The following PCDHGA3 variants were observed in gnomAD, a reference collection of about 807,000 sequenced individuals.
The protein encoded by PCDHGA3 is protocadherin gamma-A3.
A neutral mutation model predicts 58.5 loss-of-function variants in PCDHGA3; 40 were observed. The observed-to-expected ratio is 0.68, with a 90% CI of 0.53 to 0.89. The LOEUF is 0.89. Among genes scored for constraint, PCDHGA3 ranks in the 40% least tolerant of loss-of-function variants. The pLI is 0.00. For missense variants in PCDHGA3, 1,223 were observed against 1,195.9 expected, an observed-to-expected ratio of 1.02 and a Z score of -0.33; for synonymous variants, 530 against 525.7, an observed-to-expected ratio of 1.01 and a Z score of -0.11.
intron 1 of PCDHGA3, chr5:141,418,306 GA>G: frequency 6.2e-7 from 1 of 1,614,032 alleles, no homozygotes; most frequent in East Asian, 2.2e-5. Flanking sequence ...TCAGCCTGGG[GA>G]TGGGAACAAT....
At chr5:141,465,467 C>T (rs2099103834) in intron 1 of PCDHGA3, among the ~76,000 whole-genome samples, 1 of 152,178 alleles carries the variant, frequency 6.6e-6, no homozygotes, top group Non-Finnish European at 1.5e-5. Flanking sequence ...CCAAATTGCC[C>T]TTGCTTCATG....
chr5:141,484,897 A>G (rs2099602925), intron 1 of PCDHGA3: 2 of 392,698 alleles, frequency 5.1e-6, no homozygotes, highest in Middle Eastern at 7.1e-4. Flanking sequence ...TTTCCCCTCC[A>G]ATGCTGCGAC....
intron 1 of PCDHGA3, chr5:141,412,489 T>C (rs1292155082): frequency 6.6e-6 from 1 of 152,176 alleles, no homozygotes; most frequent in East Asian, 1.9e-4. Context: ...TCTTACACAA[T>C]CCTAAGCTAA....
intron 1 of PCDHGA3, chr5:141,350,982 A>G (rs562278000): frequency 2.2e-5 from 36 of 1,614,086 alleles, no homozygotes; most frequent in Non-Finnish European, 3.0e-5. Flanking sequence ...GTGTTTAGCC[A>G]GGAGGTATAC....
intron 1 of PCDHGA3, chr5:141,378,802 CA>C (rs1201523670): frequency 1.3e-5 from 2 of 152,134 alleles, no homozygotes; most frequent in African/African-American, 2.4e-5. Context: ...CTGAAATGTG[CA>C]AACAGAATCA....
chr5:141,451,256 A>T (rs376288655), intron 1 of PCDHGA3, among the ~76,000 whole-genome samples: 1 of 152,212 alleles, frequency 6.6e-6, no homozygotes, highest in African/African-American at 2.4e-5. Context: ...GTGGATCAGG[A>T]CTGGGTATAG....
chr5:141,478,428 C>T (rs2154576655), intron 1 of PCDHGA3: 1 of 1,613,746 alleles, frequency 6.2e-7, no homozygotes, highest in Non-Finnish European at 8.5e-7. Flanking sequence ...CGCAGCGACC[C>T]GCTGCTGAAG....
intron 1 of PCDHGA3, chr5:141,377,502 A>G (rs1373807437): frequency 6.6e-6 from 1 of 152,050 alleles, no homozygotes. Flanking sequence ...AAGCTCTGAT[A>G]GGAGGATTGC....
chr5:141,428,338 T>G, intron 1 of PCDHGA3: 7 of 592,492 alleles, frequency 1.2e-5, no homozygotes, highest in East Asian at 3.1e-5. Flanking sequence ...TATGCTCTTC[T>G]TCCTCGCAGT....
At chr5:141,457,500 A>G (rs1483244745) in intron 1 of PCDHGA3, among the ~76,000 whole-genome samples, 1 of 152,244 alleles carries the variant, frequency 6.6e-6, no homozygotes, top group African/African-American at 2.4e-5. Context: ...AAATGTAGGC[A>G]AAAAGCTTAA....
At chr5:141,382,809 C>A in intron 1 of PCDHGA3, 1 of 1,143,884 alleles carries the variant, frequency 8.7e-7, no homozygotes, top group Non-Finnish European at 1.2e-6. Context: ...TTCTGAGCTC[C>A]CCTTCCTAAG....
intron 1 of PCDHGA3, chr5:141,371,742 C>A (rs773429109): frequency 6.2e-7 from 1 of 1,614,068 alleles, no homozygotes; most frequent in East Asian, 2.2e-5. Context: ...CGACAACGTT[C>A]CCGTTTTCCA....
chr5:141,418,579 A>C, intron 1 of PCDHGA3: 1 of 1,614,000 alleles, frequency 6.2e-7, no homozygotes. Context: ...ACAACCCCCC[A>C]GTGTTCAGCC....
intron 1 of PCDHGA3, among the ~76,000 whole-genome samples, chr5:141,369,266 C>T (rs1021396846): frequency 2.0e-5 from 3 of 152,132 alleles, no homozygotes; most frequent in African/African-American, 7.2e-5. Context: ...ATTATAAGGA[C>T]TTACAATTCA....
In PCDHGA3 at chr5:141,375,324, A is replaced by C. The variant is rs751354618; in HGVS notation, c.2424+28867A>C. On this transcript the variant is annotated intron_variant, in intron 1 of 3. Coordinates refer to ENST00000253812, the MANE Select transcript of PCDHGA3 (RefSeq NM_018916.4). ...ACAAATGCAGCTCTAGACCGGGAAGAGGTATTCTTGTACAACATCACTGTG... is the reference window on the plus strand; with the variant it reads ...ACAAATGCAGCTCTAGACCGGGAAGCGGTATTCTTGTACAACATCACTGTG... 1.9e-6 allele frequency: 3 copies of C among 1,613,688 alleles called. No homozygotes were observed. In the African/African-American group the frequency reaches 4.0e-5, roughly 22 times the overall value.
chr5:141,469,834 T>C (rs1228732202), intron 1 of PCDHGA3, among the ~76,000 whole-genome samples: 4 of 152,068 alleles, frequency 2.6e-5, no homozygotes, highest in African/African-American at 9.7e-5. Context: ...ACATAAAACT[T>C]ATTCTTAAGA....
chr5:141,414,404 T>A, intron 1 of PCDHGA3: 1 of 1,613,886 alleles, frequency 6.2e-7, no homozygotes, highest in Non-Finnish European at 8.5e-7. Context: ...AGATTGGTGA[T>A]ACACAGAGCC....
chr5:141,372,235 C>T lies in PCDHGA3; in HGVS notation c.2424+25778C>T. The T allele has an allele frequency of 6.2e-7, 1 of 1,613,342 alleles. No homozygotes were observed. The highest frequency in any genetic ancestry group is 1.7e-5 in the Admixed American group (1 of 60,020). On this transcript the variant is annotated intron_variant, in intron 1 of 3. Coordinates refer to ENST00000253812, the MANE Select transcript of PCDHGA3 (RefSeq NM_018916.4). ...TACCACATTGTGCAGGCCAGCGAGC[C>T]CGGGCTGTTCAGCCTGGGCCTGCGC... is the stretch of plus-strand genomic sequence containing the variant.
Position 141,489,454 on chromosome 5 carries a change from G to C in PCDHGA3, c.2425-5353G>C, listed in dbSNP as rs1177748773. 1 of 1,613,940 alleles carries C rather than the reference G, an allele frequency of 6.2e-7. No homozygotes were observed. The highest frequency in any genetic ancestry group is 1.3e-5 in the African/African-American group (1 of 74,906). On this transcript the variant is annotated intron_variant, in intron 1 of 3. Transcript: ENST00000253812. This position sits in a 1 kb window ranked among gnomAD's most constrained non-coding sequence, Gnocchi z 4.5. ...GCTGCAATTGGGCTCTGAGGAGAAT[G>C]GGCGCTATTTTTCCCTGAGCTTGAT...
Sources: gnomAD v4.1 joint callset for allele counts (sites outside exome capture counted in the v4.1 genomes callset) on GRCh38, gnomAD v4.1.1 for gene constraint, Gnocchi (gnomAD v3.1) non-coding constraint, MANE v1.5 for transcripts, NCBI Gene and HGNC (gene_info 2026-07-23, HGNC 2026-07-21) for gene names.